Variants in DCC observed in about 807,000 individuals in gnomAD.
DCC encodes DCC netrin 1 receptor, also known as netrin receptor DCC.
Under a neutral mutation model 172.5 loss-of-function variants are expected in DCC, and 58 were observed. That is an observed-to-expected ratio of 0.34 (90% confidence interval 0.27 to 0.42). The LOEUF (loss-of-function observed/expected upper bound fraction) is 0.42. Among genes scored for constraint, DCC ranks in the 10% least tolerant of loss-of-function variants. The probability of loss-of-function intolerance (pLI) is 1.00; values close to 1 mark genes in which losing one functional copy is unlikely to be tolerated. For missense variants in DCC, 1,740 were observed against 1,791.0 expected, an observed-to-expected ratio of 0.97 and a Z score of 0.51; for synonymous variants, 709 against 644.5, an observed-to-expected ratio of 1.10 and a Z score of -1.52.
intron 27 of DCC, among the ~76,000 whole-genome samples, chr18:53,516,821 GA>G (rs2046339412): frequency 7.0e-6 from 1 of 142,450 alleles, no homozygotes; most frequent in Non-Finnish European, 1.5e-5. Flanking sequence ...AGGATGTGGA[GA>G]AATAGGAACA....
At chr18:52,854,879 C>T (rs931359868) in intron 2 of DCC, among the ~76,000 whole-genome samples, 1 of 152,168 alleles carries the variant, frequency 6.6e-6, no homozygotes, top group Non-Finnish European at 1.5e-5. Context: ...CTGACTGTGT[C>T]TGTGTTTGTC....
chr18:52,437,750 G>A (rs60694683), intron 1 of DCC, among the ~76,000 whole-genome samples: 1 of 152,132 alleles, frequency 6.6e-6, no homozygotes, highest in Non-Finnish European at 1.5e-5. Flanking sequence ...CTCTTCCCAG[G>A]CAAAATTTAA....
At chr18:52,718,974 G>A (rs767811738) in intron 1 of DCC, among the ~76,000 whole-genome samples, 12 of 152,160 alleles carry the variant, frequency 7.9e-5, no homozygotes, top group Non-Finnish European at 1.6e-4. Context: ...AAATCAAGAT[G>A]TCAGCAGGTC....
At chr18:52,904,821 T>C (rs1306897322) in intron 2 of DCC, among the ~76,000 whole-genome samples, 1 of 152,164 alleles carries the variant, frequency 6.6e-6, no homozygotes, top group Non-Finnish European at 1.5e-5. Flanking sequence ...CAAATGAAAA[T>C]AGAAATATCA....
At chr18:53,214,065 T>A (rs1350534638) in intron 11 of DCC, among the ~76,000 whole-genome samples, 2 of 152,048 alleles carry the variant, frequency 1.3e-5, no homozygotes, top group South Asian at 2.1e-4. Flanking sequence ...TGAATAAATA[T>A]CTTTTTCCTT....
intron 2 of DCC, among the ~76,000 whole-genome samples, chr18:52,851,575 AT>A (rs1297408340): frequency 2.6e-5 from 4 of 152,176 alleles, no homozygotes; most frequent in African/African-American, 9.6e-5. Context: ...TCCATTTATC[AT>A]TTCCTGAAAA....
intron 12 of DCC, among the ~76,000 whole-genome samples, chr18:53,264,573 G>A (rs1211102297): frequency 6.6e-6 from 1 of 151,732 alleles, no homozygotes; most frequent in African/African-American, 2.4e-5. Context: ...GAGTTTAACT[G>A]TGATTAACGG....
In DCC at chr18:53,386,025, T is replaced by C. The variant is rs1186378242; in HGVS notation, c.2360-18T>C. On this transcript the variant is annotated intron_variant, in intron 15 of 28. Coordinates refer to ENST00000442544, the MANE Select transcript of DCC (RefSeq NM_005215.4). ...TAAATATATCAACACGTTCATATTGTTTCTGTTTTTTCTCCAGAGTCAAGT... is the reference window on the plus strand; with the variant it reads ...TAAATATATCAACACGTTCATATTGCTTCTGTTTTTTCTCCAGAGTCAAGT... 1 of 1,503,184 alleles carries C rather than the reference T, an allele frequency of 6.7e-7. No homozygotes were observed. Among genetic ancestry groups the C allele is most frequent in the African/African-American group, 1.4e-5 (1 of 72,782 alleles). The allele number at this position is 1,503,184 out of a possible 1,614,324, so 93.1% of individuals were successfully genotyped here. A position where few individuals can be genotyped will look rare whatever the true frequency, so the allele number is the denominator to read the frequency against.
chr18:53,127,254 G>A (rs986029883), intron 7 of DCC, among the ~76,000 whole-genome samples: 4 of 149,536 alleles, frequency 2.7e-5, no homozygotes, highest in Admixed American at 6.7e-5. Flanking sequence ...TGATCCTCCC[G>A]CCTGAGCCTC....
chr18:52,646,213 C>G (rs917152816), intron 1 of DCC, among the ~76,000 whole-genome samples: 1 of 152,146 alleles, frequency 6.6e-6, no homozygotes, highest in African/African-American at 2.4e-5. Flanking sequence ...ATAATAAATG[C>G]GCTTTCTAAT....
chr18:52,646,381 A>G (rs1039914948), intron 1 of DCC, among the ~76,000 whole-genome samples: 1 of 152,162 alleles, frequency 6.6e-6, no homozygotes, highest in African/African-American at 2.4e-5. Context: ...TAATTCTCCA[A>G]TTCTCTGTGG....
At chr18:52,578,028 C>T (rs762000786) in intron 1 of DCC, among the ~76,000 whole-genome samples, 1 of 152,178 alleles carries the variant, frequency 6.6e-6, no homozygotes, top group Non-Finnish European at 1.5e-5. Context: ...ATCACCAAGG[C>T]AACGAGGATT....
chr18:53,400,435 G>A (rs1909228940), intron 18 of DCC, among the ~76,000 whole-genome samples: 1 of 152,086 alleles, frequency 6.6e-6, no homozygotes, highest in Non-Finnish European at 1.5e-5. Context: ...AGAGGTCCTG[G>A]TGTTTATTTT....
intron 1 of DCC, among the ~76,000 whole-genome samples, chr18:52,719,959 A>G (rs1440884355): frequency 6.6e-6 from 1 of 152,128 alleles, no homozygotes; most frequent in African/African-American, 2.4e-5. Flanking sequence ...CCCTTCAACA[A>G]GAAGACCCAG....
At chr18:53,031,993 G>T (rs2042032014) in intron 5 of DCC, among the ~76,000 whole-genome samples, 1 of 152,062 alleles carries the variant, frequency 6.6e-6, no homozygotes, top group African/African-American at 2.4e-5. Flanking sequence ...TGATATTTTA[G>T]CAAATATGCA....
chr18:53,425,202 C>T (rs778455843), intron 21 of DCC, among the ~76,000 whole-genome samples: 9 of 151,278 alleles, frequency 5.9e-5, no homozygotes, highest in Non-Finnish European at 1.3e-4. Context: ...AACTATTTTT[C>T]ATTCTCTGCC....
At chr18:53,235,430 C>T (rs544010157) in intron 12 of DCC, among the ~76,000 whole-genome samples, 2 of 152,164 alleles carry the variant, frequency 1.3e-5, no homozygotes, top group African/African-American at 4.8e-5. Flanking sequence ...GAAAGAACTC[C>T]TAGAAAAATA....
chr18:52,428,895 T>C (rs2144460842), intron 1 of DCC, among the ~76,000 whole-genome samples: 1 of 152,160 alleles, frequency 6.6e-6, no homozygotes, highest in African/African-American at 2.4e-5. Flanking sequence ...TTAATATATA[T>C]ATAATAGAAG....
At chr18:52,807,933 G>A (rs1351642333) in intron 2 of DCC, among the ~76,000 whole-genome samples, 2 of 152,158 alleles carry the variant, frequency 1.3e-5, no homozygotes, top group African/African-American at 2.4e-5. Context: ...GTTTGGTCCA[G>A]GGAACTGAAA....
Sources: allele counts gnomAD v4.1 joint callset (sites outside exome capture counted in the v4.1 genomes callset), GRCh38; gene constraint gnomAD v4.1.1; transcripts MANE v1.5; gene names NCBI Gene and HGNC (gene_info 2026-07-23, HGNC 2026-07-21).